The following TXNDC12 variants were observed in gnomAD, a reference collection of about 807,000 sequenced individuals.
The protein encoded by TXNDC12 is thioredoxin domain containing 12.
Under a neutral mutation model 24.2 loss-of-function variants are expected in TXNDC12, and 22 were observed. The ratio of observed to expected loss-of-function variants is 0.91; its 90% CI spans 0.65 to 1.30. The LOEUF (loss-of-function observed/expected upper bound fraction) is 1.30, where lower values mean the gene tolerates loss of function less well. Ranked by LOEUF, TXNDC12 falls within the 50% of genes most tolerant of loss-of-function variation. TXNDC12 has a pLI of 0.00. For missense variants in TXNDC12, 184 were observed against 205.8 expected (o/e 0.89, Z 0.65); for synonymous variants, 58 against 73.4 (o/e 0.79, Z 1.07).
intron 2 of TXNDC12, chr1:52,032,929 G>C (rs148811457): frequency 7.5e-6 from 12 of 1,606,844 alleles, no homozygotes; most frequent in East Asian, 6.7e-5. Flanking sequence ...TACTTGACTC[G>C]TGACCTGGTC....
intron 6 of TXNDC12, among the ~76,000 whole-genome samples, chr1:52,022,586 G>T (rs1005948852): frequency 6.7e-6 from 1 of 149,814 alleles, no homozygotes; most frequent in Non-Finnish European, 1.5e-5. Flanking sequence ...TCTGTCCAGA[G>T]ATGAAATTTT....
intron 2 of TXNDC12, among the ~76,000 whole-genome samples, chr1:52,031,859 AC>A (rs1685767786): frequency 6.6e-6 from 1 of 152,206 alleles, no homozygotes; most frequent in African/African-American, 2.4e-5. Context: ...GTAGGTACCT[AC>A]CATTTGTTCA....
At chr1:52,051,663 G>C (rs905680239) in intron 1 of TXNDC12, 4 of 164,012 alleles carry the variant, frequency 2.4e-5, no homozygotes, top group African/African-American at 9.6e-5. Flanking sequence ...ACAGGCATGA[G>C]CCACCGTGCC....
chr1:52,055,385 G>A (rs1686321754), upstream of TXNDC12: 2 of 414,020 alleles, frequency 4.8e-6, no homozygotes, highest in Non-Finnish European at 9.1e-6. Context: ...GGGACGGAGC[G>A]GGAAAATGTA....
intron 2 of TXNDC12, among the ~76,000 whole-genome samples, chr1:52,034,399 T>C (rs967229698): frequency 6.6e-6 from 1 of 152,190 alleles, no homozygotes; most frequent in African/African-American, 2.4e-5. Context: ...AAATAGTCAT[T>C]TGACTTAGAA....
At chr1:52,022,764 C>A (rs1685617738) in intron 6 of TXNDC12, among the ~76,000 whole-genome samples, 1 of 151,746 alleles carries the variant, frequency 6.6e-6, no homozygotes, top group Admixed American at 6.6e-5. Flanking sequence ...CCTCAGCCTC[C>A]CGAGTAGCTG....
chr1:52,043,490 CAT>C lies in TXNDC12; in HGVS notation c.98-1895_98-1894del, dbSNP rs554084487. Among the ~76,000 whole-genome samples the C allele has an allele frequency of 1.9e-3, 292 of 152,322 alleles. 1 individual carries two copies. Among genetic ancestry groups the C allele is most frequent in the African/African-American group, 6.8e-3 (284 of 41,578 alleles). On this transcript the variant is annotated intron_variant, in intron 1 of 6. Transcript: ENST00000371626. The stretch of plus-strand genomic sequence containing the variant: ...CACCTTATATGTGCCTGACATACCA[CAT>C]GTGTTATCTCATTTAAATTTGGCCT...
chr1:52,028,723 TATTTC>T, intron 2 of TXNDC12, 93 bp from the exon 3 acceptor site: 2 of 950,748 alleles, frequency 2.1e-6, no homozygotes, highest in Middle Eastern at 3.1e-4. Flanking sequence ...TCTGTAGTAT[TATTTC>T]AATTGGGAAA....
At chr1:52,027,529 C>T (rs904421483) in intron 3 of TXNDC12, among the ~76,000 whole-genome samples, 181 bp from the exon 4 acceptor site, 5 of 152,128 alleles carry the variant, frequency 3.3e-5, no homozygotes, top group African/African-American at 9.7e-5. Context: ...TGAACCTGCA[C>T]AGCTATGTGA....
rs1685579742 is a variant in TXNDC12, at chr1:52,020,674, T to G, written c.*259A>C. ...TCAAGTTTTGTGTCAGAAGGTTTCATTCTTTACATTCAATGACAAGTTGAC... is the reference window on the plus strand; with the variant it reads ...TCAAGTTTTGTGTCAGAAGGTTTCAGTCTTTACATTCAATGACAAGTTGAC... On this transcript the variant is annotated 3_prime_UTR_variant, in exon 7 of 7. Coordinates refer to ENST00000371626, the MANE Select transcript of TXNDC12 (RefSeq NM_015913.4). 1 of 455,802 alleles carries G rather than the reference T, an allele frequency of 2.2e-6. No homozygotes were observed. Among genetic ancestry groups the G allele is most frequent in the African/African-American group, 2.0e-5 (1 of 50,596 alleles). 28.2% of individuals were successfully genotyped at this position (455,802 alleles called of 1,614,324 possible).
intron 1 of TXNDC12, among the ~76,000 whole-genome samples, chr1:52,054,216 G>GGA (rs1686276809): frequency 7.0e-6 from 1 of 143,576 alleles, no homozygotes; most frequent in African/African-American, 2.6e-5. Context: ...TAAGGTCAGT[G>GGA]AAAAAAAAAA....
chr1:52,041,112 C>T (rs1055365719), intron 2 of TXNDC12, among the ~76,000 whole-genome samples: 4 of 151,746 alleles, frequency 2.6e-5, no homozygotes, highest in Non-Finnish European at 4.4e-5. Context: ...GCGGGTGGAT[C>T]ATGAGATCAG....
At chr1:52,044,514 T>G (rs1686051703) in intron 1 of TXNDC12, among the ~76,000 whole-genome samples, 2 of 152,106 alleles carry the variant, frequency 1.3e-5, no homozygotes, top group African/African-American at 4.8e-5. Flanking sequence ...ACCAAAAATG[T>G]GAGAAAAGAA....
At chr1:52,039,621 G>A (rs557727209) in intron 2 of TXNDC12, among the ~76,000 whole-genome samples, 6 of 152,196 alleles carry the variant, frequency 3.9e-5, no homozygotes, top group East Asian at 1.9e-4. Context: ...GTGAGCCACC[G>A]CGCCCAGCTG....
chr1:52,055,118 C>G lies in TXNDC12; in HGVS notation c.-22G>C, dbSNP rs759541704. 43 of 1,577,784 alleles carry G rather than the reference C, an allele frequency of 2.7e-5. No homozygotes were observed. The East Asian group carries it at 9.6e-4, about 35-fold the overall frequency. ...CCATGGCAGTAGGTGCGCGGGGCCA[C>G]GGGGCTGAGCGGACGCAGGGCCGGA... is the stretch of plus-strand genomic sequence containing the variant. On this transcript the variant is annotated 5_prime_UTR_variant, in exon 1 of 7. Transcript: ENST00000371626.
intron 3 of TXNDC12, among the ~76,000 whole-genome samples, chr1:52,027,757 ATATATACG>A (rs1278390436): frequency 6.7e-6 from 1 of 149,238 alleles, no homozygotes; most frequent in Non-Finnish European, 1.5e-5. Flanking sequence ...ACATATATAC[ATATATACG>A]TATATATTAT....
At chr1:52,033,933 C>A in intron 2 of TXNDC12, 1 of 1,429,746 alleles carries the variant, frequency 7.0e-7, no homozygotes, top group Non-Finnish European at 9.1e-7. Context: ...GTTCAGCTTT[C>A]TCAGAAAGGA....
chr1:52,033,780 T>A (rs1685829588), intron 2 of TXNDC12: 1 of 1,553,970 alleles, frequency 6.4e-7, no homozygotes, highest in African/African-American at 1.4e-5. Flanking sequence ...GGAGCGACCA[T>A]TGGCAACCGC....
Position 52,020,858 on chromosome 1 carries a change from G to C in TXNDC12, c.*75C>G, listed in dbSNP as rs1685585685. ...CCTGGTCGGCTTAATTGTTCTAGAT[G>C]ATTCCTCAATATTCCCTTCCCTGCT... is the stretch of plus-strand genomic sequence containing the variant. On this transcript the variant is annotated 3_prime_UTR_variant, in exon 7 of 7. Coordinates refer to ENST00000371626, the MANE Select transcript of TXNDC12 (RefSeq NM_015913.4). 7.8e-7 allele frequency: 1 copy of C among 1,278,976 alleles called. No individual in the cohort carries two copies. Among genetic ancestry groups the C allele is most frequent in the Admixed American group, 1.8e-5 (1 of 56,908 alleles). The allele number at this position is 1,278,976 out of a possible 1,614,324, so 79.2% of individuals were successfully genotyped here. A position where few individuals can be genotyped will look rare whatever the true frequency, so the allele number is the denominator to read the frequency against.
Sources: gnomAD v4.1 joint callset for allele counts (sites outside exome capture counted in the v4.1 genomes callset) on GRCh38, gnomAD v4.1.1 for gene constraint, MANE v1.5 for transcripts, NCBI Gene and HGNC (gene_info 2026-07-23, HGNC 2026-07-21) for gene names.